CYB5B: variants seen among roughly 807,000 people sequenced by gnomAD.
CYB5B encodes cytochrome b5 type B.
CYB5B carries 14 observed loss-of-function variants against 21.3 expected under a neutral mutation model. The observed-to-expected ratio is 0.66, with a 90% confidence interval of 0.43 to 1.03. CYB5B has a LOEUF of 1.03. CYB5B is among the 50% of genes least tolerant of loss of function. The pLI is 0.00. For synonymous variants in CYB5B, 69 were observed against 68.4 expected (o/e 1.01, Z -0.04); for missense variants, 166 against 185.1 (o/e 0.90, Z 0.60).
chr16:69,452,231 G>T (rs2014941381), intron 3 of CYB5B, among the ~76,000 whole-genome samples: 1 of 147,562 alleles, frequency 6.8e-6, no homozygotes, highest in Non-Finnish European at 1.5e-5. Flanking sequence ...GGAGAATGGC[G>T]TGAACCCGGG....
intron 1 of CYB5B, among the ~76,000 whole-genome samples, chr16:69,428,740 G>T (rs544244893): frequency 6.6e-6 from 1 of 152,120 alleles, no homozygotes; most frequent in Non-Finnish European, 1.5e-5. Context: ...AAATTTTAGC[G>T]ATGGTGCCGA....
chr16:69,463,784 T>C lies in CYB5B; in HGVS notation c.*1264T>C, dbSNP rs112653395. 1.3e-5 allele frequency: 2 copies of C among 152,194 alleles called. No individual in the cohort carries two copies. The highest frequency in any genetic ancestry group is 4.8e-5 in the African/African-American group (2 of 41,452). 9.4% of individuals were successfully genotyped at this position (152,194 alleles called of 1,614,324 possible). A position where few individuals can be genotyped will look rare whatever the true frequency, so the allele number is the denominator to read the frequency against. On this transcript the variant is annotated 3_prime_UTR_variant, in exon 5 of 5. Transcript: ENST00000307892. ...GGTTTGTTCTGTTTTTCCATGAGAATAAAATACTGGCGGTTTTTTTCTCAG... is the reference window on the plus strand; with the variant it reads ...GGTTTGTTCTGTTTTTCCATGAGAACAAAATACTGGCGGTTTTTTTCTCAG...
chr16:69,438,977 T>G (rs1232969756), intron 1 of CYB5B, among the ~76,000 whole-genome samples: 1 of 152,230 alleles, frequency 6.6e-6, no homozygotes, highest in Non-Finnish European at 1.5e-5. Context: ...TTATCTGTTT[T>G]TTTTTGTTGT....
intron 1 of CYB5B, among the ~76,000 whole-genome samples, chr16:69,426,747 ATT>A (rs71384002): frequency 7.1e-6 from 1 of 140,188 alleles, no homozygotes; most frequent in African/African-American, 2.6e-5. Flanking sequence ...GATAGTAGTG[ATT>A]TTTTTTTTTT....
At position 69,463,282 on chromosome 16, in the gene CYB5B, C is replaced by G. The variant is rs2015054090; in HGVS notation, c.*762C>G. The G allele has an allele frequency of 1.3e-5, 2 of 152,076 alleles. No homozygotes were observed. The highest frequency in any genetic ancestry group is 6.5e-5 in the Admixed American group (1 of 15,268). 9.4% of individuals were successfully genotyped at this position (152,076 alleles called of 1,614,324 possible). On this transcript the variant is annotated 3_prime_UTR_variant, in exon 5 of 5. Coordinates refer to ENST00000307892, the MANE Select transcript of CYB5B (RefSeq NM_030579.3). Reference sequence around the variant, plus strand: ...GCTCTTCCCAGCCCCTGAGCCCAGCCCCTTCCCAAGTGGTGCCGGACAAAA... The same window carrying G: ...GCTCTTCCCAGCCCCTGAGCCCAGCGCCTTCCCAAGTGGTGCCGGACAAAA...
chr16:69,450,663 A>G (rs1220096632), intron 3 of CYB5B, among the ~76,000 whole-genome samples: 1 of 152,224 alleles, frequency 6.6e-6, no homozygotes, highest in Admixed American at 6.5e-5. Flanking sequence ...TCTCTTCTCC[A>G]TACTTTATCT....
chr16:69,455,350 C>T (rs2014973124), intron 3 of CYB5B, among the ~76,000 whole-genome samples: 1 of 152,008 alleles, frequency 6.6e-6, no homozygotes, highest in African/African-American at 2.4e-5. Flanking sequence ...CCCATTGACC[C>T]CCACATCCTT....
intron 3 of CYB5B, among the ~76,000 whole-genome samples, chr16:69,455,338 C>T (rs1236846619): frequency 1.3e-5 from 2 of 151,932 alleles, no homozygotes; most frequent in Non-Finnish European, 2.9e-5. Context: ...GTGAAATCCA[C>T]ACCCATTGAC....
intron 1 of CYB5B, among the ~76,000 whole-genome samples, chr16:69,444,553 C>A (rs1224829501): frequency 6.6e-6 from 1 of 152,004 alleles, no homozygotes; most frequent in South Asian, 2.1e-4. Context: ...CCAAAAGCTC[C>A]CTGACGTCTT....
At chr16:69,460,247 C>G (rs1031760388) in intron 4 of CYB5B, among the ~76,000 whole-genome samples, 1 of 151,658 alleles carries the variant, frequency 6.6e-6, no homozygotes, top group Non-Finnish European at 1.5e-5. Flanking sequence ...AAAAAAAAAC[C>G]AAACCTTATG....
At chr16:69,438,476 T>C (rs573135599) in intron 1 of CYB5B, among the ~76,000 whole-genome samples, 9 of 152,170 alleles carry the variant, frequency 5.9e-5, no homozygotes, top group Non-Finnish European at 1.2e-4. Flanking sequence ...CCAAACTGTT[T>C]CCCACAGCAG....
chr16:69,447,350 A>G (rs2014887990), intron 2 of CYB5B, 72 bp downstream of exon 2: 7 of 1,557,118 alleles, frequency 4.5e-6, no homozygotes, highest in Non-Finnish European at 6.1e-6. Context: ...GGATGAAGAA[A>G]TGAATTATTG....
At chr16:69,432,488 TG>T (rs1202803459) in intron 1 of CYB5B, among the ~76,000 whole-genome samples, 2 of 152,200 alleles carry the variant, frequency 1.3e-5, no homozygotes, top group Admixed American at 1.3e-4. Flanking sequence ...CCCAATAATT[TG>T]TTTGAATACT....
chr16:69,459,088 T>C lies in CYB5B; in HGVS notation c.334-5T>C, dbSNP rs2015008470. The C allele has an allele frequency of 1.2e-6, 2 of 1,602,600 alleles. No individual in the cohort carries two copies. The highest frequency in any genetic ancestry group is 1.3e-5 in the African/African-American group (1 of 74,144). ...TTTTTGAATTTTTTTTTTTTTTTAT[T>C]TCAGGACCCTTCAAAAAATGATACA... On this transcript the variant is annotated splice_region_variant and splice_polypyrimidine_tract_variant and intron_variant, in intron 3 of 4. Transcript: ENST00000307892.
At chr16:69,428,636 T>TA (rs1260332008) in intron 1 of CYB5B, among the ~76,000 whole-genome samples, 1 of 151,378 alleles carries the variant, frequency 6.6e-6, no homozygotes, top group Non-Finnish European at 1.5e-5. Context: ...AGTCTGGTGA[T>TA]AGAGTGAGAC....
At chr16:69,435,055 G>A (rs888111756) in intron 1 of CYB5B, among the ~76,000 whole-genome samples, 5 of 152,022 alleles carry the variant, frequency 3.3e-5, no homozygotes, top group African/African-American at 1.2e-4. Context: ...TGACTTGAAA[G>A]CATTTTTTTC....
chr16:69,439,709 G>T (rs896879252), intron 1 of CYB5B, among the ~76,000 whole-genome samples: 1 of 151,922 alleles, frequency 6.6e-6, no homozygotes, highest in Non-Finnish European at 1.5e-5. Flanking sequence ...TGGAATTATA[G>T]GAGCGGGCCA....
chr16:69,448,950 GTTT>G (rs2014904868), intron 3 of CYB5B: 3 of 152,162 alleles, frequency 2.0e-5, no homozygotes, highest in Admixed American at 6.5e-5. Context: ...TACTGAATAG[GTTT>G]GACACAGCAA....
chr16:69,425,478 C>T (rs1318051434), intron 1 of CYB5B, among the ~76,000 whole-genome samples: 1 of 150,408 alleles, frequency 6.6e-6, no homozygotes, highest in Non-Finnish European at 1.5e-5. Flanking sequence ...TTTATTTAAT[C>T]TTCAAGTCTG....
Sources: allele counts gnomAD v4.1 joint callset (sites outside exome capture counted in the v4.1 genomes callset), GRCh38; gene constraint gnomAD v4.1.1; transcripts MANE v1.5; gene names NCBI Gene and HGNC (gene_info 2026-07-23, HGNC 2026-07-21).